TTN: variants seen among roughly 807,000 people sequenced by gnomAD.
The protein encoded by TTN is titin.
Under a neutral mutation model 3,223.0 loss-of-function variants are expected in TTN, and 1,525 were observed. The ratio of observed to expected loss-of-function variants is 0.47; its 90% CI spans 0.45 to 0.49. TTN has a LOEUF of 0.49. Ranked by LOEUF, TTN falls within the 20% of genes least tolerant of loss-of-function variation. The pLI is 0.00. For missense variants in TTN, 40,786 were observed against 43,424.0 expected, an observed-to-expected ratio of 0.94 and a Z score of 5.40; for synonymous variants, 14,094 against 15,161.0, an observed-to-expected ratio of 0.93 and a Z score of 5.17.
rs1255240121 is a variant in TTN, at chr2:178,535,299, C to A, written c.101316G>T (p.Lys33772Asn). Residue 33772 changes from lysine (K) to asparagine (N), a missense_variant, in exon 358 of 363, where the codon AAG becomes AAT. Transcript: ENST00000589042. ...VIAENKFGLS[K>N]PSEPSEPTIT... Reference sequence around the variant, plus strand: ...TGGTTGGTTCTGAAGGCTCTGAAGGCTTGCTCAGACCAAATTTATTTTCAG... The same window carrying A: ...TGGTTGGTTCTGAAGGCTCTGAAGGATTGCTCAGACCAAATTTATTTTCAG... 2 of 1,613,910 alleles carry A rather than the reference C, an allele frequency of 1.2e-6. No homozygotes were observed. Among genetic ancestry groups the A allele is most frequent in the East Asian group, 4.5e-5 (2 of 44,878 alleles).
In TTN at chr2:178,577,418, C is replaced by T; in HGVS notation, c.68917G>A (p.Gly22973Ser). 1.2e-6 allele frequency: 2 copies of T among 1,612,002 alleles called. No homozygotes were observed. Among genetic ancestry groups the T allele is most frequent in the South Asian group, 1.1e-5 (1 of 91,012 alleles). ...CAACTTGATTTTGGAAGGGGTTTGC[C>T]AAGAATGCTAATGGCATTCAAAACA... is the stretch of plus-strand genomic sequence containing the variant. ...TIVLNAISIL[G>S]KPLPKSSWSK... The change falls in exon 324 of 363, where the codon GGC (glycine) becomes AGC (serine). Residue 22973 changes from glycine to serine, a missense_variant. Coordinates refer to ENST00000589042, the MANE Select transcript of TTN (RefSeq NM_001267550.2).
Position 178,757,730 on chromosome 2 carries a change from T to C in TTN, c.10490A>G (p.Gln3497Arg). ...AATTAGCTGCTGGTTATGAAACCATTGGATTTCTGGCTTGGGAATGCCAGA... is the reference window on the plus strand; with the variant it reads ...AATTAGCTGCTGGTTATGAAACCATCGGATTTCTGGCTTGGGAATGCCAGA... ...RVSGIPKPEI[Q>R]WFHNQQLILP... The change falls in exon 45 of 363, where the codon CAA becomes CGA. Residue 3497 changes from glutamine (Q) to arginine (R), a missense_variant. Coordinates refer to ENST00000589042, the MANE Select transcript of TTN (RefSeq NM_001267550.2). The C allele has an allele frequency of 6.2e-7, 1 of 1,613,878 alleles. No homozygotes were observed. The highest frequency in any genetic ancestry group is 8.5e-7 in the Non-Finnish European group (1 of 1,179,802).
chr2:178,632,560 T>C lies in TTN; in HGVS notation c.43446A>G (p.Glu14482=). The C allele has an allele frequency of 1.2e-6, 2 of 1,613,398 alleles. No homozygotes were observed. Among genetic ancestry groups the C allele is most frequent in the South Asian group, 2.2e-5 (2 of 91,040 alleles). The part of the protein sequence containing the change: ...EDEAKYMFEA[E]DKHTSGKLII... ...TCAGTTTGCCACTTGTGTGCTTATC[T>C]TCAGCTTCAAACATGTATTTTGCTT... The change falls in exon 235 of 363, where the codon GAA becomes GAG. Residue 14482 remains glutamate, a synonymous_variant. Transcript: ENST00000589042.
intron 331 of TTN, 45 bp downstream of exon 331, chr2:178,554,820 C>T: frequency 6.2e-7 from 1 of 1,612,826 alleles, no homozygotes; most frequent in Non-Finnish European, 8.5e-7. Flanking sequence ...AATTACTAAG[C>T]TTTAGGCAAA....
chr2:178,578,697 G>C lies in TTN; in HGVS notation c.68243C>G (p.Pro22748Arg). 1 of 1,611,158 alleles carries C rather than the reference G, an allele frequency of 6.2e-7. No homozygotes were observed. Among genetic ancestry groups the C allele is most frequent in the Non-Finnish European group, 8.5e-7 (1 of 1,178,886 alleles). Residue 22748 changes from proline to arginine, a missense_variant, in exon 321 of 363, where the codon CCA (proline) becomes CGA (arginine). Physicochemically the swap from Pro to Arg is moderately radical, Grantham distance 103. Transcript: ENST00000589042. ...TCTGACATCCACAATATTGGGAGGT[G>C]GGGGAGCATCAGGCACATCTAGAAA... is the stretch of plus-strand genomic sequence containing the variant. Reference protein sequence around the residue: ...RHPFDVPDAPPPPNIVDVRHD... With the variant: ...RHPFDVPDAPRPPNIVDVRHD...
In TTN at chr2:178,756,252, T is replaced by C; in HGVS notation, c.11224A>G (p.Thr3742Ala). ...TCTACACTTAGTACTGCTGACGTTG[T>C]CCTCTCTCCACAGTCATTGTGTACA... ...CIVHNDCGERTTSAVLSVEGA... is the reference protein window; with the variant it reads ...CIVHNDCGERATSAVLSVEGA... The change falls in exon 46 of 363, where the codon ACA becomes GCA. Residue 3742 changes from threonine (T) to alanine (A), a missense_variant. Thr to Ala is a moderately conservative substitution (Grantham distance 58). Transcript: ENST00000589042. The C allele has an allele frequency of 6.2e-7, 1 of 1,612,494 alleles. No homozygotes were observed. The highest frequency in any genetic ancestry group is 8.5e-7 in the Non-Finnish European group (1 of 1,178,668).
rs773341346 is a variant in TTN, at chr2:178,561,466, T to C, written c.84666A>G (p.Gly28222=). 6.2e-7 allele frequency: 1 copy of C among 1,613,804 alleles called. No homozygotes were observed. The highest frequency in any genetic ancestry group is 8.5e-7 in the Non-Finnish European group (1 of 1,179,774). ...CATATACACGATACTCATACATCAG[T>C]CCTTCATCAAGGCCGGAGACTTTCA... ...TQMKVSGLDE[G]LMYEYRVYAE... The change falls in exon 326 of 363, where the codon GGA becomes GGG. Residue 28222 remains glycine, a synonymous_variant. Transcript: ENST00000589042.
At chr2:178,602,909 T>C (rs1224091289) in intron 282 of TTN, among the ~76,000 whole-genome samples, 2 of 152,038 alleles carry the variant, frequency 1.3e-5, no homozygotes, top group African/African-American at 4.8e-5. Context: ...GAAGAAATTC[T>C]ACAATAGCCT....
chr2:178,591,854 C>G lies in TTN; in HGVS notation c.59965G>C (p.Val19989Leu), dbSNP rs1021499065. The G allele has an allele frequency of 6.2e-7, 1 of 1,613,288 alleles. No homozygotes were observed. The highest frequency in any genetic ancestry group is 8.5e-7 in the Non-Finnish European group (1 of 1,179,564). ...ACTAGGGAGACTTCAGTCTTGTCAA[C>G]ATCTACATGGTGCAGGTCCTTGGGT... ...GPPKDLHHVD[V>L]DKTEVSLVWN... Residue 19989 changes from valine (V) to leucine (L), a missense_variant, in exon 303 of 363, where the codon GTT (valine) becomes CTT (leucine). Physicochemically the swap from Val to Leu is conservative, Grantham distance 32. Coordinates refer to ENST00000589042, the MANE Select transcript of TTN (RefSeq NM_001267550.2).
rs201029552 is a variant in TTN at position 178,723,444 on chromosome 2, G to A, written c.21656C>T (p.Ser7219Phe). 379 of 1,613,046 alleles carry A rather than the reference G, an allele frequency of 2.3e-4. 1 individual carries two copies. The highest frequency in any genetic ancestry group is 4.2e-4 in the Admixed American group (25 of 59,926). Residue 7219 changes from serine to phenylalanine, a missense_variant, in exon 74 of 363, where the codon TCT becomes TTT. Ser to Phe is a radical substitution (Grantham distance 155, BLOSUM62 -2). Transcript: ENST00000589042. ...CVVSNNAGQA[S>F]CTTRLFVKEP... ...TTTCACAAAGAGACGGGTAGTGCAA[G>A]ATGCTTGGCCAGCGTTGTTAGAAAC...
At chr2:178,746,856 G>T in intron 47 of TTN, 8 of 1,613,428 alleles carry the variant, frequency 5.0e-6, no homozygotes, top group Non-Finnish European at 6.8e-6. Context: ...AAAGATGGAG[G>T]CATTTCATTG....
In TTN at chr2:178,770,331, A is replaced by G. The variant is rs1444561451; in HGVS notation, c.8381-11T>C. 1.2e-6 allele frequency: 2 copies of G among 1,614,028 alleles called. No homozygotes were observed. The highest frequency in any genetic ancestry group is 2.7e-5 in the African/African-American group (2 of 74,920). On this transcript the variant is annotated splice_polypyrimidine_tract_variant and intron_variant, in intron 35 of 362. Coordinates refer to ENST00000589042, the MANE Select transcript of TTN (RefSeq NM_001267550.2). ...TAATGATCTTGACAGCTAAGAGGAAAATTGGAGCAATTCAGTGATAGGGTT... is the reference window on the plus strand; with the variant it reads ...TAATGATCTTGACAGCTAAGAGGAAGATTGGAGCAATTCAGTGATAGGGTT...
chr2:178,751,733 C>T (rs965515695), intron 47 of TTN: 2 of 1,613,098 alleles, frequency 1.2e-6, no homozygotes, highest in African/African-American at 1.3e-5. Context: ...GTGTAAATCA[C>T]TCTCAGCTTT....
intron 29 of TTN, 101 bp from the exon 30 acceptor site, chr2:178,774,574 C>A (rs2091976114): frequency 9.2e-7 from 1 of 1,085,072 alleles, no homozygotes; most frequent in Non-Finnish European, 1.3e-6. Context: ...CTCCCCCATA[C>A]TATCAGGTGT....
In TTN at chr2:178,575,337, C is replaced by G; in HGVS notation, c.70795G>C (p.Glu23599Gln). 1 of 1,613,536 alleles carries G rather than the reference C, an allele frequency of 6.2e-7. No homozygotes were observed. Among genetic ancestry groups the G allele is most frequent in the Non-Finnish European group, 8.5e-7 (1 of 1,179,656 alleles). Reference protein sequence around the residue: ...ECVVRNLTEGEEYTFQVMAVN... With the variant: ...ECVVRNLTEGQEYTFQVMAVN... The stretch of plus-strand genomic sequence containing the variant: ...GCCATCACTTGGAAGGTATATTCCT[C>G]TCCTTCAGTTAGATTCCTCACAACA... The change falls in exon 326 of 363, where the codon GAG becomes CAG. Residue 23599 changes from glutamate (E) to glutamine (Q), a missense_variant. By Grantham distance (29) the Glu-to-Gln change is conservative. Coordinates refer to ENST00000589042, the MANE Select transcript of TTN (RefSeq NM_001267550.2). The surrounding 1 kb of genome is among the most constrained non-coding windows in gnomAD (Gnocchi z 4.0).
Position 178,792,130 on chromosome 2 carries a change from T to C in TTN, c.1604A>G (p.Gln535Arg). 1 of 1,612,692 alleles carries C rather than the reference T, an allele frequency of 6.2e-7. No homozygotes were observed. The highest frequency in any genetic ancestry group is 8.5e-7 in the Non-Finnish European group (1 of 1,179,478). Reference protein sequence around the residue: ...VVISAAKAKEQETRISEEITK... With the variant: ...VVISAAKAKERETRISEEITK... The stretch of plus-strand genomic sequence containing the variant: ...AATTTCTTCAGAAATTCTAGTTTCT[T>C]GTTCTTTGGCTTTAGCTGCGGAAAT... Residue 535 changes from glutamine to arginine, a missense_variant, in exon 10 of 363, where the codon CAA (glutamine) becomes CGA (arginine). By Grantham distance (43) the Gln-to-Arg change is conservative. Transcript: ENST00000589042.
intron 20 of TTN, 30 bp downstream of exon 20, chr2:178,782,182 A>G: frequency 6.2e-7 from 1 of 1,612,826 alleles, no homozygotes; most frequent in Non-Finnish European, 8.5e-7. Flanking sequence ...TACAAGTCAC[A>G]GAGAACTCTA....
intron 99 of TTN, among the ~76,000 whole-genome samples, chr2:178,709,038 T>G (rs951813956): frequency 2.0e-5 from 3 of 152,214 alleles, no homozygotes; most frequent in Admixed American, 6.5e-5. Context: ...TACCCATTAT[T>G]TTTCTTTTTG....
chr2:178,689,224 A>G, intron 124 of TTN, 66 bp downstream of exon 124: 1 of 1,595,740 alleles, frequency 6.3e-7, no homozygotes, highest in Non-Finnish European at 8.5e-7. Flanking sequence ...CAGTGCACTC[A>G]TATCACAAAA....
Sources: gnomAD v4.1 joint callset for allele counts (sites outside exome capture counted in the v4.1 genomes callset) on GRCh38, gnomAD v4.1.1 for gene constraint, Gnocchi (gnomAD v3.1) non-coding constraint, MANE v1.5 for transcripts, NCBI Gene and HGNC (gene_info 2026-07-23, HGNC 2026-07-21) for gene names.